PRRG4: variants seen among roughly 807,000 people sequenced by gnomAD.
PRRG4 encodes transmembrane gamma-carboxyglutamic acid protein 4.
In PRRG4, 12 loss-of-function variants were observed where a neutral mutation model predicts 20.0. The observed-to-expected ratio is 0.60, with a 90% CI of 0.38 to 0.97. The LOEUF (loss-of-function observed/expected upper bound fraction) is 0.97, where lower values mean the gene tolerates loss of function less well. Ranked by LOEUF, PRRG4 falls within the 50% of genes least tolerant of loss-of-function variation. The pLI is 0.00. For missense variants in PRRG4, 199 were observed against 265.1 expected (o/e 0.75, Z 1.73); for synonymous variants, 94 against 96.4 (o/e 0.98, Z 0.15).
At position 32,856,283 on chromosome 11, in the gene PRRG4, TG is replaced by T. The variant is rs1487954612; in HGVS notation, c.*2757del. The T allele has an allele frequency of 6.6e-6, 1 of 152,228 alleles. No homozygotes were observed. The highest frequency in any genetic ancestry group is 2.4e-5 in the African/African-American group (1 of 41,452). The allele number at this position is 152,228 out of a possible 1,614,324, so 9.4% of individuals were successfully genotyped here. A position where few individuals can be genotyped will look rare whatever the true frequency, so the allele number is the denominator to read the frequency against. On this transcript the variant is annotated 3_prime_UTR_variant, in exon 6 of 6. Coordinates refer to ENST00000257836, the MANE Select transcript of PRRG4 (RefSeq NM_024081.6). ...CCCCACCCAAGCAGCTGCCTAGATT[TG>T]TCTACTGCTATCATTTTGTGTAAAG...
chr11:32,839,760 T>C (rs1008118990), intron 4 of PRRG4, among the ~76,000 whole-genome samples: 1 of 146,534 alleles, frequency 6.8e-6, no homozygotes, highest in African/African-American at 2.5e-5. Context: ...ATATTTTGAA[T>C]ATTATTAAAA....
At chr11:32,842,258 C>T (rs2133444309) in intron 5 of PRRG4, among the ~76,000 whole-genome samples, 1 of 152,186 alleles carries the variant, frequency 6.6e-6, no homozygotes, top group Non-Finnish European at 1.5e-5. Context: ...GAGCTTGAAG[C>T]AAATTCCTTG....
At chr11:32,837,541 G>GATGATGATGATTATT (rs1303509427) in intron 3 of PRRG4, among the ~76,000 whole-genome samples, 5 of 95,862 alleles carry the variant, frequency 5.2e-5, no homozygotes, top group East Asian at 3.0e-4. Flanking sequence ...TGATGATGAT[G>GATGATGATGATTATT]ATTATTATTA....
chr11:32,832,479 CTT>C (rs555430349), intron 2 of PRRG4, among the ~76,000 whole-genome samples: 47 of 121,230 alleles, frequency 3.9e-4, no homozygotes, highest in East Asian at 1.5e-3. Context: ...TGGTGAAATT[CTT>C]TTTTTTTTTT....
intron 3 of PRRG4, among the ~76,000 whole-genome samples, chr11:32,837,055 T>G (rs1851026545): frequency 2.0e-5 from 3 of 152,236 alleles, no homozygotes; most frequent in Admixed American, 2.0e-4. Flanking sequence ...GTGTTTAATG[T>G]TTATTATATT....
chr11:32,830,051 G>C lies in PRRG4; in HGVS notation c.-145G>C. On this transcript the variant is annotated 5_prime_UTR_variant, in exon 1 of 6. Transcript: ENST00000257836. The stretch of plus-strand genomic sequence containing the variant: ...GGGGGCCATCCAGACCCTGCGGAGA[G>C]CGAGGCCCGGAGCGTCGCCGAGGTT... The C allele has an allele frequency of 2.0e-6, 2 of 987,468 alleles. No homozygotes were observed. The highest frequency in any genetic ancestry group is 2.4e-6 in the Non-Finnish European group (2 of 831,408). The allele number at this position is 987,468 out of a possible 1,614,324, so 61.2% of individuals were successfully genotyped here.
chr11:32,830,336 C>A (rs1850955337), intron 1 of PRRG4, among the ~76,000 whole-genome samples, 163 bp downstream of exon 1: 1 of 152,228 alleles, frequency 6.6e-6, no homozygotes, highest in Non-Finnish European at 1.5e-5. Context: ...GTCCCAGGCG[C>A]TCTCAGGGGC....
Position 32,830,606 on chromosome 11 carries a change from A to G in PRRG4, c.77A>G (p.Lys26Arg), listed in dbSNP as rs747938712. The change falls in exon 2 of 6, where the codon AAG becomes AGG. Residue 26 changes from lysine to arginine, a missense_variant. By Grantham distance (26) the Lys-to-Arg change is conservative. Coordinates refer to ENST00000257836, the MANE Select transcript of PRRG4 (RefSeq NM_024081.6). ...TTTCCTCATTGCGCAAGAGGTCCAA[A>G]GGCTTCTAAGCATGCGGGAGAAGAA... is the stretch of plus-strand genomic sequence containing the variant. ...LGFPHCARGP[K>R]ASKHAGEEVF... 15 of 1,613,792 alleles carry G rather than the reference A, an allele frequency of 9.3e-6. No homozygotes were observed. Among genetic ancestry groups the G allele is most frequent in the African/African-American group, 2.7e-5 (2 of 74,886 alleles).
intron 3 of PRRG4, 53 bp from the exon 4 acceptor site, chr11:32,838,829 A>T: frequency 2.2e-6 from 3 of 1,353,912 alleles, no homozygotes; most frequent in Non-Finnish European, 3.2e-6. Flanking sequence ...GGACCAAATG[A>T]AATGTGATAA....
At chr11:32,832,071 G>A (rs1374511489) in intron 2 of PRRG4, among the ~76,000 whole-genome samples, 1 of 152,192 alleles carries the variant, frequency 6.6e-6, no homozygotes, top group Admixed American at 6.5e-5. Flanking sequence ...AAGGAATTTA[G>A]AGATCATACT....
chr11:32,851,567 C>T (rs1565118120), intron 5 of PRRG4, among the ~76,000 whole-genome samples: 1 of 152,162 alleles, frequency 6.6e-6, no homozygotes, highest in Non-Finnish European at 1.5e-5. Context: ...TCTTCTTTCT[C>T]GCAATTTTTC....
chr11:32,846,987 ACT>A lies in PRRG4; in HGVS notation c.450-6306_450-6305del, dbSNP rs763506340. Among the ~76,000 whole-genome samples the A allele has an allele frequency of 5.8e-5, 8 of 137,392 alleles. No homozygotes were observed. The Admixed American group carries it at 6.1e-4, about 10-fold the overall frequency. 90.1% of individuals were successfully genotyped at this position (137,392 alleles called of 152,430 possible). ...CACTCCAGCCTGGCAACAGAACGAG[ACT>A]CTGTCTCAAAAAAAAAAATAAAGAA... On this transcript the variant is annotated intron_variant, in intron 5 of 5. Coordinates refer to ENST00000257836, the MANE Select transcript of PRRG4 (RefSeq NM_024081.6).
chr11:32,857,586 T>G lies in PRRG4; in HGVS notation c.*4059T>G, dbSNP rs1354558718. On this transcript the variant is annotated 3_prime_UTR_variant, in exon 6 of 6. Coordinates refer to ENST00000257836, the MANE Select transcript of PRRG4 (RefSeq NM_024081.6). ...CCTCTAAAATTCTAATCCATATTTT[T>G]CTACTTCTCAGATAATTTATGTGTG... is the stretch of plus-strand genomic sequence containing the variant. The G allele has an allele frequency of 6.6e-6, 1 of 152,248 alleles. No individual in the cohort carries two copies. Among genetic ancestry groups the G allele is most frequent in the Non-Finnish European group, 1.5e-5 (1 of 68,042 alleles). The allele number at this position is 152,248 out of a possible 1,614,324, so 9.4% of individuals were successfully genotyped here. A position where few individuals can be genotyped will look rare whatever the true frequency, so the allele number is the denominator to read the frequency against.
intron 5 of PRRG4, among the ~76,000 whole-genome samples, chr11:32,847,939 T>C (rs1468269824): frequency 6.6e-6 from 1 of 152,226 alleles, no homozygotes; most frequent in East Asian, 1.9e-4. Flanking sequence ...AGGCAAGATC[T>C]AGGATAGGCA....
intron 2 of PRRG4, among the ~76,000 whole-genome samples, chr11:32,831,247 A>G (rs954119979): frequency 6.6e-6 from 1 of 152,058 alleles, no homozygotes; most frequent in Non-Finnish European, 1.5e-5. Context: ...ATATCTTAAA[A>G]GCCTAACCTA....
At chr11:32,845,620 C>T (rs953697451) in intron 5 of PRRG4, among the ~76,000 whole-genome samples, 4 of 145,966 alleles carry the variant, frequency 2.7e-5, no homozygotes, top group African/African-American at 5.1e-5. Flanking sequence ...AGCAAGACTC[C>T]GTTTCAAAAA....
chr11:32,850,589 G>A (rs1590679050), intron 5 of PRRG4, among the ~76,000 whole-genome samples: 2 of 152,208 alleles, frequency 1.3e-5, no homozygotes, highest in Non-Finnish European at 2.9e-5. Context: ...ATTCTCTTAT[G>A]TTAGCATTAA....
chr11:32,847,236 T>C (rs10835982), intron 5 of PRRG4, among the ~76,000 whole-genome samples: 21,560 of 151,886 alleles, frequency 0.14, 1,636 homozygotes, highest in South Asian at 0.22. Flanking sequence ...CCGGCCAAAA[T>C]AGTTTATATT....
At position 32,853,566 on chromosome 11, in the gene PRRG4, G is replaced by C; in HGVS notation, c.*39G>C. On this transcript the variant is annotated 3_prime_UTR_variant, in exon 6 of 6. Transcript: ENST00000257836. The stretch of plus-strand genomic sequence containing the variant: ...TTGGTATAAGAAATTTGTGTTATTT[G>C]ATAGGCCGGGCATGGTGGCTCATGC... 6.6e-7 allele frequency: 1 copy of C among 1,525,948 alleles called. No homozygotes were observed. The allele number at this position is 1,525,948 out of a possible 1,614,324, so 94.5% of individuals were successfully genotyped here. A position where few individuals can be genotyped will look rare whatever the true frequency, so the allele number is the denominator to read the frequency against.
Sources: allele counts gnomAD v4.1 joint callset (sites outside exome capture counted in the v4.1 genomes callset), GRCh38; gene constraint gnomAD v4.1.1; transcripts MANE v1.5; gene names NCBI Gene and HGNC (gene_info 2026-07-23, HGNC 2026-07-21).